The following CALN1 variants were observed in gnomAD, a reference collection of about 807,000 sequenced individuals.
CALN1 encodes calcium-binding protein 8.
Under a neutral mutation model 30.6 loss-of-function variants are expected in CALN1, and 17 were observed. The observed-to-expected ratio is 0.56, with a 90% CI of 0.38 to 0.83. The LOEUF (loss-of-function observed/expected upper bound fraction) is 0.83. Ranked by LOEUF, CALN1 falls within the 40% of genes least tolerant of loss-of-function variation. The probability of loss-of-function intolerance (pLI) is 0.00; values close to 1 mark genes in which losing one functional copy is unlikely to be tolerated. For missense variants in CALN1, 291 were observed against 354.9 expected (o/e 0.82, Z 1.45); for synonymous variants, 156 against 131.4 (o/e 1.19, Z -1.28).
intron 1 of CALN1, among the ~76,000 whole-genome samples, chr7:72,422,311 A>T (rs374863000): frequency 1.3e-5 from 2 of 152,038 alleles, no homozygotes; most frequent in African/African-American, 4.8e-5. Flanking sequence ...TTGACTTTTT[A>T]ATTTTGACCA....
chr7:72,278,463 T>C (rs111706140), intron 3 of CALN1, among the ~76,000 whole-genome samples: 1 of 133,434 alleles, frequency 7.5e-6, no homozygotes, highest in African/African-American at 2.8e-5. Flanking sequence ...GCTCAGGCTA[T>C]CAGGTCTGTA....
intron 5 of CALN1, among the ~76,000 whole-genome samples, chr7:71,966,983 G>C (rs1302345635): frequency 6.6e-6 from 1 of 152,158 alleles, no homozygotes; most frequent in Non-Finnish European, 1.5e-5. Context: ...AGTAGAAGCT[G>C]TTTCTGGAAT....
intron 5 of CALN1, among the ~76,000 whole-genome samples, chr7:71,858,955 C>T (rs1791110649): frequency 6.6e-6 from 1 of 152,186 alleles, no homozygotes; most frequent in Non-Finnish European, 1.5e-5. Flanking sequence ...TGACTGAGAC[C>T]TGTCTCGGAT....
chr7:71,816,795 C>T (rs1457352585), intron 5 of CALN1, among the ~76,000 whole-genome samples: 1 of 152,098 alleles, frequency 6.6e-6, no homozygotes, highest in Non-Finnish European at 1.5e-5. Context: ...TGGTGAAACC[C>T]TGTCTCTACT....
intron 5 of CALN1, among the ~76,000 whole-genome samples, chr7:71,968,631 C>G (rs1266237233): frequency 6.6e-6 from 1 of 152,086 alleles, no homozygotes; most frequent in Non-Finnish European, 1.5e-5. Context: ...ATCTGCCCAT[C>G]TCCGCCTCCC....
At chr7:72,088,691 T>C (rs1162515571) in intron 4 of CALN1, among the ~76,000 whole-genome samples, 1 of 120,932 alleles carries the variant, frequency 8.3e-6, no homozygotes, top group Non-Finnish European at 1.6e-5. Flanking sequence ...AGAGTGAGAC[T>C]CCATCTCAAG....
At chr7:72,367,424 G>C (rs1295205362) in intron 2 of CALN1, among the ~76,000 whole-genome samples, 2 of 152,124 alleles carry the variant, frequency 1.3e-5, no homozygotes, top group Non-Finnish European at 2.9e-5. Flanking sequence ...AGGAATTTGA[G>C]ACCAGCCTGG....
At chr7:72,012,275 T>C (rs1433963168) in intron 5 of CALN1, among the ~76,000 whole-genome samples, 1 of 152,134 alleles carries the variant, frequency 6.6e-6, no homozygotes, top group African/African-American at 2.4e-5. Context: ...CCCAGCACTT[T>C]GGGAGGCCGA....
intron 5 of CALN1, among the ~76,000 whole-genome samples, chr7:72,009,330 T>C (rs1799944252): frequency 6.6e-6 from 1 of 152,146 alleles, no homozygotes; most frequent in Non-Finnish European, 1.5e-5. Context: ...GAATAAAAAA[T>C]AAAAATGGCA....
intron 3 of CALN1, among the ~76,000 whole-genome samples, chr7:72,167,029 G>A (rs1403845068): frequency 6.6e-6 from 1 of 151,680 alleles, no homozygotes; most frequent in Non-Finnish European, 1.5e-5. Flanking sequence ...GCAAGACCCT[G>A]TCTCAAGGAA....
intron 3 of CALN1, among the ~76,000 whole-genome samples, chr7:72,151,721 T>C (rs1471282484): frequency 1.3e-5 from 2 of 151,978 alleles, no homozygotes; most frequent in East Asian, 1.9e-4. Context: ...GTTGTTGTTG[T>C]TGTTGTTAGA....
intron 3 of CALN1, among the ~76,000 whole-genome samples, chr7:72,251,871 C>T (rs1373213461): frequency 6.6e-6 from 1 of 152,122 alleles, no homozygotes; most frequent in African/African-American, 2.4e-5. Context: ...AGGGTAGAGG[C>T]ACCTTCCTGC....
intron 5 of CALN1, among the ~76,000 whole-genome samples, chr7:71,896,924 G>A (rs1254391781): frequency 1.3e-5 from 2 of 152,158 alleles, no homozygotes; most frequent in Middle Eastern, 3.2e-3. Flanking sequence ...TTGCCAAGGA[G>A]GAAAAAGAAA....
intron 5 of CALN1, among the ~76,000 whole-genome samples, chr7:71,987,327 G>C (rs1270560495): frequency 6.6e-6 from 1 of 152,210 alleles, no homozygotes; most frequent in African/African-American, 2.4e-5. Flanking sequence ...TTCAGGACAG[G>C]GGCCCGTGTG....
intron 2 of CALN1, among the ~76,000 whole-genome samples, chr7:72,368,064 T>C (rs1803980391): frequency 6.6e-6 from 1 of 151,688 alleles, no homozygotes; most frequent in Admixed American, 6.6e-5. Context: ...GAGCTTGCAG[T>C]GAGCCGAGAC....
At chr7:72,314,418 C>CACATATATATAT (rs1198195005) in intron 2 of CALN1, among the ~76,000 whole-genome samples, 4 of 148,172 alleles carry the variant, frequency 2.7e-5, no homozygotes, top group East Asian at 2.0e-4. Context: ...CATATATATA[C>CACATATATATAT]ACACATACAT....
intron 3 of CALN1, among the ~76,000 whole-genome samples, chr7:72,248,664 G>C (rs779223435): frequency 4.0e-5 from 6 of 151,848 alleles, no homozygotes. Context: ...ACATCCTAAT[G>C]TAGTCACATC....
intron 5 of CALN1, among the ~76,000 whole-genome samples, chr7:71,990,365 T>C (rs927518917): frequency 8.5e-5 from 13 of 152,114 alleles, no homozygotes; most frequent in African/African-American, 3.1e-4. Flanking sequence ...GAATAATCCA[T>C]CCGTCGTTTA....
intron 3 of CALN1, among the ~76,000 whole-genome samples, chr7:72,255,149 G>A (rs923591026): frequency 2.0e-5 from 3 of 151,238 alleles, no homozygotes; most frequent in African/African-American, 7.3e-5. Context: ...GCAGTGGCAC[G>A]ATCTCAGTTC....
Sources: allele counts gnomAD v4.1 joint callset (sites outside exome capture counted in the v4.1 genomes callset), GRCh38; gene constraint gnomAD v4.1.1; transcripts MANE v1.5; gene names NCBI Gene and HGNC (gene_info 2026-07-23, HGNC 2026-07-21).